Variants in NEDD4L observed in about 807,000 individuals in gnomAD.
NEDD4L encodes NEDD4 like E3 ubiquitin protein ligase.
A neutral mutation model predicts 148.9 loss-of-function variants in NEDD4L; 54 were observed. That is an observed-to-expected ratio of 0.36 (90% confidence interval 0.29 to 0.45). The LOEUF (loss-of-function observed/expected upper bound fraction) is 0.45, where lower values mean the gene tolerates loss of function less well. NEDD4L is among the 20% of genes least tolerant of loss of function. The pLI, the probability that NEDD4L is intolerant of heterozygous loss-of-function variation, is 1.00. For synonymous variants in NEDD4L, 433 were observed against 440.7 expected, an observed-to-expected ratio of 0.98 and a Z score of 0.22; for missense variants, 856 against 1,233.8, an observed-to-expected ratio of 0.69 and a Z score of 4.59.
chr18:58,225,048 A>G (rs1403060878), intron 2 of NEDD4L, among the ~76,000 whole-genome samples: 3 of 152,120 alleles, frequency 2.0e-5, no homozygotes, highest in Non-Finnish European at 4.4e-5. Context: ...TGTGTATGGC[A>G]GAGGAATGCT....
At chr18:58,090,450 A>G (rs890720766) in intron 1 of NEDD4L, among the ~76,000 whole-genome samples, 1 of 152,098 alleles carries the variant, frequency 6.6e-6, no homozygotes, top group Non-Finnish European at 1.5e-5. Context: ...GTGTATTACC[A>G]TTTCACATCA....
intron 5 of NEDD4L, among the ~76,000 whole-genome samples, chr18:58,294,608 G>A (rs1220407971): frequency 2.5e-5 from 3 of 117,768 alleles, no homozygotes; most frequent in Non-Finnish European, 5.3e-5. Context: ...AGACCATGTT[G>A]ATTTTTTTTT....
At chr18:58,099,338 A>G (rs2084617684) in intron 1 of NEDD4L, among the ~76,000 whole-genome samples, 1 of 152,022 alleles carries the variant, frequency 6.6e-6, no homozygotes, top group Non-Finnish European at 1.5e-5. Flanking sequence ...ACTCATCTGT[A>G]TTTTCCTTAT....
intron 10 of NEDD4L, 117 bp downstream of exon 10, chr18:58,329,244 C>T: frequency 8.5e-7 from 1 of 1,173,432 alleles, no homozygotes. Context: ...GTAAAGATTA[C>T]AGTGACGCAG....
intron 1 of NEDD4L, among the ~76,000 whole-genome samples, chr18:58,093,186 G>C (rs115273663): frequency 6.7e-4 from 102 of 152,268 alleles, no homozygotes; most frequent in African/African-American, 2.3e-3. Flanking sequence ...GATGGAAATA[G>C]GTTCTTTTTG....
At chr18:58,285,021 C>T (rs2053685554) in intron 5 of NEDD4L, among the ~76,000 whole-genome samples, 1 of 152,226 alleles carries the variant, frequency 6.6e-6, no homozygotes, top group African/African-American at 2.4e-5. Flanking sequence ...TCATAAATTT[C>T]AGCAGCAAGA....
chr18:58,161,709 G>A (rs1453934635), intron 1 of NEDD4L, among the ~76,000 whole-genome samples: 1 of 152,088 alleles, frequency 6.6e-6, no homozygotes, highest in African/African-American at 2.4e-5. Flanking sequence ...TCATTTCTGG[G>A]GAGGGTCAGG....
chr18:58,151,385 G>A (rs1271874484), intron 1 of NEDD4L, among the ~76,000 whole-genome samples: 1 of 152,122 alleles, frequency 6.6e-6, no homozygotes, highest in Non-Finnish European at 1.5e-5. Context: ...TTGCGTGTTA[G>A]CACATCATTA....
chr18:58,364,182 T>C, intron 19 of NEDD4L, 86 bp from the exon 20 acceptor site: 2 of 794,844 alleles, frequency 2.5e-6, no homozygotes, highest in Non-Finnish European at 4.2e-6. Context: ...TTATGACTCA[T>C]GAAATTCTCT....
chr18:58,256,069 G>A lies in NEDD4L; in HGVS notation c.297+4015G>A. 2 of 1,228,704 alleles carry A rather than the reference G, an allele frequency of 1.6e-6. No individual in the cohort carries two copies. The highest frequency in any genetic ancestry group is 3.1e-5 in the African/African-American group (2 of 64,336). The allele number at this position is 1,228,704 out of a possible 1,614,324, so 76.1% of individuals were successfully genotyped here. On this transcript the variant is annotated intron_variant, in intron 5 of 30. Coordinates refer to ENST00000400345, the MANE Select transcript of NEDD4L (RefSeq NM_001144967.3). The surrounding 1 kb of genome is among the most constrained non-coding windows in gnomAD (Gnocchi z 5.2). ...GGGCCTCGCCCCAGAGTGGCTCCCG[G>A]GAGCCCTCGCCGAGGGACACCCCCG...
At chr18:58,392,726 A>G (rs760724196) in intron 30 of NEDD4L, among the ~76,000 whole-genome samples, 1 of 152,156 alleles carries the variant, frequency 6.6e-6, no homozygotes, top group Non-Finnish European at 1.5e-5. Context: ...TTTTATCCAA[A>G]TGGTGTCCAA....
chr18:58,221,918 C>A (rs2043816306), intron 2 of NEDD4L, among the ~76,000 whole-genome samples: 1 of 152,138 alleles, frequency 6.6e-6, no homozygotes, highest in Non-Finnish European at 1.5e-5. Flanking sequence ...TCACAGTTAG[C>A]TATAATTGGT....
At position 58,176,400 on chromosome 18, in the gene NEDD4L, A is replaced by G. The variant is rs138022888; in HGVS notation, c.122+10539A>G. On this transcript the variant is annotated intron_variant, in intron 2 of 30. Transcript: ENST00000400345. ...GCACAGGTTAGAGTGCAGGGGTGCAATCATAGCTCACTGTAACCTCAAACT... is the reference window on the plus strand; with the variant it reads ...GCACAGGTTAGAGTGCAGGGGTGCAGTCATAGCTCACTGTAACCTCAAACT... Among the ~76,000 whole-genome samples, 9 of 152,222 alleles carry G rather than the reference A, an allele frequency of 5.9e-5. No homozygotes were observed. The East Asian group carries it at 1.5e-3, about 26-fold the overall frequency.
chr18:58,273,513 T>C (rs1052783505), intron 5 of NEDD4L, among the ~76,000 whole-genome samples: 4 of 152,064 alleles, frequency 2.6e-5, no homozygotes, highest in Admixed American at 6.6e-5. Context: ...GAGTCAGGAG[T>C]GTGTGTGAGG....
At chr18:58,044,843 C>T in intron 1 of NEDD4L, 135 bp downstream of exon 1, 1 of 1,112,362 alleles carries the variant, frequency 9.0e-7, no homozygotes, top group South Asian at 2.0e-5. Flanking sequence ...GGGAGCGCCC[C>T]GGAGCGGGAT....
intron 1 of NEDD4L, among the ~76,000 whole-genome samples, chr18:58,154,182 G>A (rs919386579): frequency 3.2e-4 from 49 of 152,322 alleles, no homozygotes; most frequent in African/African-American, 1.0e-3. Context: ...AAAGTTTCCT[G>A]AAAGGAACAC....
At chr18:58,212,622 A>G (rs1319688877) in intron 2 of NEDD4L, among the ~76,000 whole-genome samples, 7 of 152,084 alleles carry the variant, frequency 4.6e-5, no homozygotes. Context: ...GAGCTAAACC[A>G]TATCAGCTAC....
chr18:58,175,174 C>T (rs560853620), intron 2 of NEDD4L, among the ~76,000 whole-genome samples: 3 of 152,326 alleles, frequency 2.0e-5, no homozygotes, highest in East Asian at 1.9e-4. Flanking sequence ...TAATACAAAT[C>T]GAGATTTCCA....
chr18:58,351,279 G>GTTT, intron 18 of NEDD4L: 1 of 599,952 alleles, frequency 1.7e-6, no homozygotes, highest in Non-Finnish European at 2.1e-6. Context: ...CTATTAACGT[G>GTTT]TTTTTTTTTG....
Sources: gnomAD v4.1 joint callset for allele counts (sites outside exome capture counted in the v4.1 genomes callset) on GRCh38, gnomAD v4.1.1 for gene constraint, Gnocchi (gnomAD v3.1) non-coding constraint, MANE v1.5 for transcripts, NCBI Gene and HGNC (gene_info 2026-07-23, HGNC 2026-07-21) for gene names.